The following SMPD4 variants were observed in gnomAD, a reference collection of about 807,000 sequenced individuals.
The protein encoded by SMPD4 is neutral sphingomyelinase 3.
A neutral mutation model predicts 97.8 loss-of-function variants in SMPD4; 58 were observed. That is an observed-to-expected ratio of 0.59 (90% CI 0.48 to 0.74). SMPD4 has a LOEUF of 0.74. Among genes scored for constraint, SMPD4 ranks in the 30% least tolerant of loss-of-function variants. The pLI is 0.00. For synonymous variants in SMPD4, 388 were observed against 450.0 expected, an observed-to-expected ratio of 0.86 and a Z score of 1.74; for missense variants, 853 against 1,080.5, an observed-to-expected ratio of 0.79 and a Z score of 2.95.
intron 14 of SMPD4, among the ~76,000 whole-genome samples, chr2:130,155,633 C>T (rs558037588): frequency 6.6e-6 from 1 of 152,028 alleles, no homozygotes; most frequent in Non-Finnish European, 1.5e-5. Flanking sequence ...CCAGGTGCCA[C>T]GGAAGCCTGG....
At chr2:130,157,529 A>T (rs1573673052) in intron 11 of SMPD4, 133 bp from the exon 12 acceptor site, 3 of 1,498,128 alleles carry the variant, frequency 2.0e-6, no homozygotes, top group African/African-American at 2.8e-5. Flanking sequence ...CCAGGCCAGG[A>T]GTGGGGCCAC....
In SMPD4 at chr2:130,173,624, T is replaced by C. The variant is rs1405333313; in HGVS notation, c.159A>G (p.Glu53=). Residue 53 remains glutamate (E), a synonymous_variant, in exon 4 of 20, where the codon GAA becomes GAG. Coordinates refer to ENST00000680298, the MANE Select transcript of SMPD4 (RefSeq NM_017951.5). The part of the protein sequence containing the change: ...ELHTIFPWLV[E]SIFGSLDGVL... ...CACCATCTAGGCTGCCAAAAATGCT[T>C]TCTACCAGCCATGGGAAGATGGTGT... is the stretch of plus-strand genomic sequence containing the variant. The C allele has an allele frequency of 6.2e-7, 1 of 1,613,806 alleles. No individual in the cohort carries two copies. Among genetic ancestry groups the C allele is most frequent in the Non-Finnish European group, 8.5e-7 (1 of 1,179,808 alleles).
In SMPD4 at chr2:130,173,372, C is replaced by A; in HGVS notation, c.270-18G>T. ...TTGGGCCACTGAACACGAAATTGAA[C>A]AAACAAACAAAAACAGGGCAAATGA... On this transcript the variant is annotated intron_variant, in intron 4 of 19. Coordinates refer to ENST00000680298, the MANE Select transcript of SMPD4 (RefSeq NM_017951.5). 6.2e-7 allele frequency: 1 copy of A among 1,608,840 alleles called. No homozygotes were observed. Among genetic ancestry groups the A allele is most frequent in the Non-Finnish European group, 8.5e-7 (1 of 1,178,320 alleles).
chr2:130,154,414 T>A lies in SMPD4; in HGVS notation c.1522A>T (p.Thr508Ser), dbSNP rs1381416758. 6.3e-7 allele frequency: 1 copy of A among 1,593,364 alleles called. No homozygotes were observed. The highest frequency in any genetic ancestry group is 8.6e-7 in the Non-Finnish European group (1 of 1,169,282). ...GGTGACAGGAAGCTCCCAGTGAATG[T>A]GGGGGCCGTGAAGAGTCGGTGCTGG... ...HRQHRLFTAP[T>S]FTGSFLSPWP... The change falls in exon 16 of 20, where the codon ACA becomes TCA. Residue 508 changes from threonine (T) to serine (S), a missense_variant. Thr to Ser is a moderately conservative substitution (Grantham distance 58). This residue lies in a region of SMPD4 where 511 missense variants were observed against 608.1 expected (regional missense o/e 0.84). Transcript: ENST00000680298.
At position 130,154,368 on chromosome 2, in the gene SMPD4, T is replaced by C. The variant is rs1686553310; in HGVS notation, c.1568A>G (p.Asp523Gly). The C allele has an allele frequency of 6.2e-7, 1 of 1,611,678 alleles. No homozygotes were observed. Among genetic ancestry groups the C allele is most frequent in the Non-Finnish European group, 8.5e-7 (1 of 1,179,246 alleles). The change falls in exon 16 of 20, where the codon GAT (aspartate) becomes GGT (glycine). Residue 523 changes from aspartate (D) to glycine (G), a missense_variant. By Grantham distance (94) the Asp-to-Gly change is moderately conservative. Transcript: ENST00000680298. ...FLSPWPPAVT[D>G]ASFKVKSHVY... ...GTGGCTCTTCACCTTGAAGGAGGCA[T>C]CAGTGACCGCTGGTGGCCAGGGTGA...
chr2:130,176,689 T>C (rs767750647), intron 1 of SMPD4, 52 bp from the exon 2 acceptor site: 2 of 1,442,408 alleles, frequency 1.4e-6, no homozygotes, highest in South Asian at 2.4e-5. Flanking sequence ...GCAGAATCTT[T>C]TTATATTATT....
upstream of SMPD4, chr2:130,181,630 G>A: frequency 6.4e-7 from 1 of 1,572,958 alleles, no homozygotes; most frequent in South Asian, 1.2e-5. Flanking sequence ...ACGCCCCGCG[G>A]CCGGGCGGGA....
Position 130,155,197 on chromosome 2 carries a change from C to A in SMPD4, c.1352G>T (p.Arg451Leu), listed in dbSNP as rs373604690. Residue 451 changes from arginine (R) to leucine (L), a missense_variant, in exon 15 of 20, where the codon CGC (arginine) becomes CTC (leucine). Arg to Leu is a moderately radical substitution (Grantham distance 102). This residue lies in a region of SMPD4 where 511 missense variants were observed against 608.1 expected (regional missense o/e 0.84). Transcript: ENST00000680298. Reference protein sequence around the residue: ...YTKLFVGFLNRALRTDLVSPK... With the variant: ...YTKLFVGFLNLALRTDLVSPK... ...GCTGACCAGGTCTGTGCGGAGCGCG[C>A]GGTTCAGAAAGCCCACAAACAACTT... The A allele has an allele frequency of 6.2e-7, 1 of 1,614,182 alleles. No homozygotes were observed. The highest frequency in any genetic ancestry group is 1.7e-5 in the Admixed American group (1 of 60,024).
Position 130,176,555 on chromosome 2 carries a change from A to G in SMPD4, c.38T>C (p.Leu13Pro). ...FPHLQQPSFL[L>P]ASLKADSINK... is the part of the protein sequence containing the mutation. ...CTCATGCAAGCAGTTGATATTTACC[A>G]GTAGAAAGCTGGGCTGCTGCAGGTG... The change falls in exon 2 of 20, where the codon CTG (leucine) becomes CCG (proline). Residue 13 changes from leucine to proline, a missense_variant and splice_region_variant. Around this residue, in one of 3 missense-constraint regions of SMPD4, gnomAD observed 313 missense variants for 402.2 expected, o/e 0.78. Transcript: ENST00000680298. 1 of 1,610,308 alleles carries G rather than the reference A, an allele frequency of 6.2e-7. No homozygotes were observed. The highest frequency in any genetic ancestry group is 1.1e-5 in the South Asian group (1 of 90,430).
chr2:130,179,122 CTTT>C (rs772317420), intron 1 of SMPD4, among the ~76,000 whole-genome samples: 14 of 133,820 alleles, frequency 1.0e-4, no homozygotes, highest in Non-Finnish European at 9.7e-5. Flanking sequence ...TTTTTCAATT[CTTT>C]TTTTTTTTTT....
chr2:130,173,398 A>G, intron 4 of SMPD4, 44 bp from the exon 5 acceptor site: 3 of 1,606,676 alleles, frequency 1.9e-6, no homozygotes, highest in Non-Finnish European at 2.6e-6. Context: ...GGGCAAATGA[A>G]CTGCGAATTA....
intron 8 of SMPD4, among the ~76,000 whole-genome samples, chr2:130,170,460 A>AAAAAAAAAAAAAAAC (rs1688344592): frequency 6.8e-6 from 1 of 146,640 alleles, no homozygotes; most frequent in African/African-American, 2.5e-5. Context: ...GACCCTGTCA[A>AAAAAAAAAAAAAAAC]AAAAAAAAAA....
At chr2:130,178,894 A>C (rs1689222572) in intron 1 of SMPD4, among the ~76,000 whole-genome samples, 1 of 152,114 alleles carries the variant, frequency 6.6e-6, no homozygotes, top group Non-Finnish European at 1.5e-5. Flanking sequence ...AAATGCTCAG[A>C]CCTAGACTTC....
chr2:130,157,535 GCCA>G, intron 11 of SMPD4, 139 bp from the exon 12 acceptor site: 3 of 1,482,876 alleles, frequency 2.0e-6, no homozygotes, highest in Non-Finnish European at 2.7e-6. Context: ...CAGGAGTGGG[GCCA>G]CCCCATGGGG....
intron 1 of SMPD4, among the ~76,000 whole-genome samples, chr2:130,177,373 C>T (rs1481495140): frequency 4.6e-5 from 7 of 152,240 alleles, no homozygotes; most frequent in South Asian, 2.1e-4. Context: ...TGAGCCAACA[C>T]GCCTGGCCAG....
chr2:130,159,587 G>A (rs1687187619), intron 11 of SMPD4: 1 of 149,590 alleles, frequency 6.7e-6, no homozygotes, highest in Non-Finnish European at 1.5e-5. Flanking sequence ...GCAGTGAGCC[G>A]AGACCATGTC....
intron 1 of SMPD4, among the ~76,000 whole-genome samples, chr2:130,178,739 G>A (rs1455689549): frequency 2.0e-5 from 3 of 151,122 alleles, no homozygotes; most frequent in South Asian, 2.1e-4. Context: ...AGGTTGCAGT[G>A]AGCCAAGATC....
At chr2:130,173,871 C>G (rs1271433787) in intron 3 of SMPD4, among the ~76,000 whole-genome samples, 1 of 151,866 alleles carries the variant, frequency 6.6e-6, no homozygotes, top group Non-Finnish European at 1.5e-5. Context: ...GCATACCAAG[C>G]AGTGTTGCTT....
At chr2:130,181,452 C>A in intron 1 of SMPD4, 78 bp downstream of exon 1, 1 of 1,527,818 alleles carries the variant, frequency 6.5e-7, no homozygotes, top group South Asian at 1.2e-5. Context: ...CGCGGAGGAA[C>A]GGAGATGGCC....
Sources: allele counts gnomAD v4.1 joint callset (sites outside exome capture counted in the v4.1 genomes callset), GRCh38; gene constraint gnomAD v4.1.1; regional missense constraint gnomAD v4.1.1; transcripts MANE v1.5; gene names NCBI Gene and HGNC (gene_info 2026-07-23, HGNC 2026-07-21).